FGF14: variants seen among roughly 807,000 people sequenced by gnomAD.
The protein encoded by FGF14 is fibroblast growth factor homologous factor 4.
In FGF14, 5 loss-of-function variants were observed where a neutral mutation model predicts 25.5. That is an observed-to-expected ratio of 0.20 (90% CI 0.10 to 0.41). The LOEUF (loss-of-function observed/expected upper bound fraction) is 0.41. FGF14 is among the 10% of genes least tolerant of loss of function. FGF14 has a pLI of 1.00. For missense variants in FGF14, 222 were observed against 320.1 expected (o/e 0.69, Z 2.34); for synonymous variants, 138 against 118.3 (o/e 1.17, Z -1.08).
intron 1 of FGF14, among the ~76,000 whole-genome samples, chr13:102,271,236 G>C (rs972095119): frequency 2.6e-5 from 4 of 152,058 alleles, no homozygotes; most frequent in Non-Finnish European, 5.9e-5. Flanking sequence ...CTGAATCTTT[G>C]CCAAATTTTT....
chr13:102,035,131 C>A (rs74108964), intron 1 of FGF14, among the ~76,000 whole-genome samples: 3,471 of 152,134 alleles, frequency 0.023, 119 homozygotes, highest in African/African-American at 0.077. Flanking sequence ...GAGTCAGACA[C>A]TGCTCACCTT....
chr13:101,980,191 TTTAA>T (rs2038162793), intron 1 of FGF14, among the ~76,000 whole-genome samples: 1 of 152,234 alleles, frequency 6.6e-6, no homozygotes, highest in Non-Finnish European at 1.5e-5. Context: ...TGAAGTCTAA[TTTAA>T]TTAAGTAAAA....
At chr13:102,252,782 C>T (rs1372975508) in intron 1 of FGF14, among the ~76,000 whole-genome samples, 1 of 152,082 alleles carries the variant, frequency 6.6e-6, no homozygotes, top group African/African-American at 2.4e-5. Flanking sequence ...AACCCAACAT[C>T]TACATTAGGT....
chr13:102,219,423 G>A (rs16959976), intron 1 of FGF14, among the ~76,000 whole-genome samples: 51,513 of 152,040 alleles, frequency 0.34, 9,005 homozygotes, highest in Middle Eastern at 0.39. Flanking sequence ...CTGCTCCCTA[G>A]ATTTCTACTG....
At chr13:102,062,146 C>T (rs1365371834) in intron 1 of FGF14, among the ~76,000 whole-genome samples, 1 of 152,102 alleles carries the variant, frequency 6.6e-6, no homozygotes, top group Non-Finnish European at 1.5e-5. Flanking sequence ...AAAAATTAAA[C>T]CACAGAAAGC....
At chr13:102,068,559 C>T (rs1402451587) in intron 1 of FGF14, among the ~76,000 whole-genome samples, 1 of 152,212 alleles carries the variant, frequency 6.6e-6, no homozygotes, top group African/African-American at 2.4e-5. Flanking sequence ...GGCGGGCCTG[C>T]ACTCGGAGCA....
At chr13:101,851,684 G>A (rs559116122) in intron 3 of FGF14, among the ~76,000 whole-genome samples, 4 of 152,004 alleles carry the variant, frequency 2.6e-5, no homozygotes, top group Non-Finnish European at 4.4e-5. Context: ...CCTCCTCGTC[G>A]TCTTCATCAC....
At chr13:101,884,231 C>T (rs917757734) in intron 1 of FGF14, among the ~76,000 whole-genome samples, 2 of 151,966 alleles carry the variant, frequency 1.3e-5, no homozygotes, top group Non-Finnish European at 2.9e-5. Context: ...AGGTGGACAT[C>T]CCAGTGTTCT....
At chr13:102,217,509 T>A (rs2050426361) in intron 1 of FGF14, among the ~76,000 whole-genome samples, 1 of 152,146 alleles carries the variant, frequency 6.6e-6, no homozygotes, top group African/African-American at 2.4e-5. Context: ...TTTTAAAAGA[T>A]CATTTGCCAC....
At chr13:102,399,001 A>G (rs2058642551) in intron 1 of FGF14, among the ~76,000 whole-genome samples, 1 of 151,866 alleles carries the variant, frequency 6.6e-6, no homozygotes, top group African/African-American at 2.4e-5. Context: ...GTTCTTAGAT[A>G]CACTTTGAGT....
At chr13:102,144,097 C>T (rs956856212) in intron 1 of FGF14, among the ~76,000 whole-genome samples, 1 of 152,136 alleles carries the variant, frequency 6.6e-6, no homozygotes, top group African/African-American at 2.4e-5. Context: ...CTCACTATAG[C>T]CTTAACCTCC....
Position 101,875,263 on chromosome 13 carries a change from T to A in FGF14, c.227A>T (p.Tyr76Phe), listed in dbSNP as rs2045332067. 4 of 1,613,436 alleles carry A rather than the reference T, an allele frequency of 2.5e-6. No individual in the cohort carries two copies. The highest frequency in any genetic ancestry group is 3.4e-6 in the Non-Finnish European group (4 of 1,179,500). Reference sequence around the variant, plus strand: ...TTGCAAGTAGTAGCCTTGCCTGCAATATAACCTGGTCACTATACCCTTGAG... The same window carrying A: ...TTGCAAGTAGTAGCCTTGCCTGCAAAATAACCTGGTCACTATACCCTTGAG... Reference protein sequence around the residue: ...PQLKGIVTRLYCRQGYYLQMH... With the variant: ...PQLKGIVTRLFCRQGYYLQMH... The change falls in exon 2 of 5, where the codon TAT (tyrosine) becomes TTT (phenylalanine). Residue 76 changes from tyrosine (Y) to phenylalanine (F), a missense_variant. Tyr to Phe is a conservative substitution (Grantham distance 22, BLOSUM62 3). Coordinates refer to ENST00000376143, the MANE Select transcript of FGF14 (RefSeq NM_004115.4).
At chr13:102,243,146 A>C (rs1373775435) in intron 1 of FGF14, among the ~76,000 whole-genome samples, 1 of 152,124 alleles carries the variant, frequency 6.6e-6, no homozygotes, top group Non-Finnish European at 1.5e-5. Flanking sequence ...GCAACATGGA[A>C]ATATGCTGGG....
intron 1 of FGF14, among the ~76,000 whole-genome samples, chr13:102,075,477 G>C (rs1417021421): frequency 6.6e-6 from 1 of 152,064 alleles, no homozygotes; most frequent in Non-Finnish European, 1.5e-5. Context: ...TGGTGATTCT[G>C]GTGTAAAAAA....
chr13:101,992,332 C>G (rs1401731800), intron 1 of FGF14, among the ~76,000 whole-genome samples: 1 of 152,056 alleles, frequency 6.6e-6, no homozygotes, highest in East Asian at 1.9e-4. Flanking sequence ...GCATGTTAGC[C>G]AGATAAATAT....
rs2036003621 is a variant in FGF14 at position 101,734,022 on chromosome 13, GTGTGTGTGTGTGCA to G, written c.409-7226_409-7213del. Among the ~76,000 whole-genome samples, 4 of 151,156 alleles carry G rather than the reference GTGTGTGTGTGTGCA, an allele frequency of 2.6e-5. No individual in the cohort carries two copies. The South Asian group carries it at 8.4e-4, about 32-fold the overall frequency. On this transcript the variant is annotated intron_variant, in intron 3 of 4. Coordinates refer to ENST00000376143, the MANE Select transcript of FGF14 (RefSeq NM_004115.4). ...TTTAAATATACATAAGGAGATGTCT[GTGTGTGTGTGTGCA>G]TGTGTGTGTGTGTGCACGTACATTT... is the stretch of plus-strand genomic sequence containing the variant.
intron 1 of FGF14, among the ~76,000 whole-genome samples, chr13:102,308,785 T>G (rs1594805956): frequency 6.6e-6 from 1 of 152,006 alleles, no homozygotes; most frequent in African/African-American, 2.4e-5. Flanking sequence ...AGAGAGTGGT[T>G]ACAGTCAGGC....
At chr13:102,222,814 A>G (rs1006382539) in intron 1 of FGF14, among the ~76,000 whole-genome samples, 6 of 152,156 alleles carry the variant, frequency 3.9e-5, no homozygotes, top group Non-Finnish European at 8.8e-5. Flanking sequence ...TTCTCGAAAT[A>G]CAGCATCAGA....
chr13:101,975,724 A>T (rs2037881682), intron 1 of FGF14, among the ~76,000 whole-genome samples: 1 of 152,212 alleles, frequency 6.6e-6, no homozygotes, highest in Admixed American at 6.5e-5. Flanking sequence ...TTTACAGCAA[A>T]GATGCTGAGA....
Sources: allele counts gnomAD v4.1 joint callset (sites outside exome capture counted in the v4.1 genomes callset), GRCh38; gene constraint gnomAD v4.1.1; transcripts MANE v1.5; gene names NCBI Gene and HGNC (gene_info 2026-07-23, HGNC 2026-07-21).